Variants in BAIAP2L1 observed in about 807,000 individuals in gnomAD.
BAIAP2L1 encodes BAR/IMD domain containing adaptor protein 2 like 1.
BAIAP2L1 carries 35 observed loss-of-function variants against 66.3 expected under a neutral mutation model. The ratio of observed to expected loss-of-function variants is 0.53; its 90% confidence interval spans 0.40 to 0.70. The LOEUF is 0.70. Among genes scored for constraint, BAIAP2L1 ranks in the 30% least tolerant of loss-of-function variants. BAIAP2L1 has a pLI of 0.00. For synonymous variants in BAIAP2L1, 269 were observed against 248.7 expected (o/e 1.08, Z -0.77); for missense variants, 622 against 656.9 (o/e 0.95, Z 0.58).
At position 98,305,853 on chromosome 7, in the gene BAIAP2L1, G is replaced by A. The variant is rs148269011; in HGVS notation, c.1241+586C>T. ...CTGTTAGTATCTGATCTGGAATACG[G>A]ATTTGGGGGTTTTCGGCATGGAGGT... On this transcript the variant is annotated intron_variant, in intron 11 of 13. Coordinates refer to ENST00000005260, the MANE Select transcript of BAIAP2L1 (RefSeq NM_018842.5). 3.3e-3 allele frequency among the ~76,000 whole-genome samples: 500 copies of A among 152,318 alleles called. 3 individuals carry two copies. Among genetic ancestry groups the A allele is most frequent in the African/African-American group, 0.011 (474 of 41,570 alleles).
intron 3 of BAIAP2L1, among the ~76,000 whole-genome samples, chr7:98,341,732 T>C (rs1396149691): frequency 6.6e-6 from 1 of 152,106 alleles, no homozygotes; most frequent in Non-Finnish European, 1.5e-5. Context: ...GCTGTCATGA[T>C]GATTATAGGA....
chr7:98,332,494 G>C (rs1801520158), intron 3 of BAIAP2L1, among the ~76,000 whole-genome samples: 1 of 142,372 alleles, frequency 7.0e-6, no homozygotes, highest in Non-Finnish European at 1.5e-5. Context: ...ACTTAGTAAA[G>C]ATGTCTCCTC....
intron 3 of BAIAP2L1, among the ~76,000 whole-genome samples, chr7:98,336,993 A>T (rs1390409922): frequency 6.6e-6 from 1 of 152,202 alleles, no homozygotes; most frequent in Non-Finnish European, 1.5e-5. Flanking sequence ...AAATGGGAAT[A>T]ATCTCTCTTA....
chr7:98,396,552 T>C (rs1584512015), intron 1 of BAIAP2L1, among the ~76,000 whole-genome samples: 1 of 152,130 alleles, frequency 6.6e-6, no homozygotes, highest in Admixed American at 6.6e-5. Flanking sequence ...TGGCAGCCGG[T>C]CACTAAGAGA....
intron 1 of BAIAP2L1, among the ~76,000 whole-genome samples, chr7:98,372,733 G>GTTTTTTTTTTTTTTTTTTTTTTT (rs34330041): frequency 1.1e-5 from 1 of 93,766 alleles, no homozygotes. Context: ...ATCGATTTTG[G>GTTTTTTTTTTTTTTTTTTTTTTT]TTTTTTTTTT....
intron 3 of BAIAP2L1, among the ~76,000 whole-genome samples, chr7:98,347,809 C>T (rs776130657): frequency 1.3e-5 from 2 of 151,932 alleles, no homozygotes; most frequent in African/African-American, 4.8e-5. Flanking sequence ...AAAGAGCAGC[C>T]ATAAGAAAGG....
At chr7:98,316,194 G>T (rs545428390) in intron 6 of BAIAP2L1, among the ~76,000 whole-genome samples, 1 of 152,062 alleles carries the variant, frequency 6.6e-6, no homozygotes, top group Non-Finnish European at 1.5e-5. Flanking sequence ...CATGTAAGAC[G>T]TGACTTGCTC....
chr7:98,328,829 G>C (rs781223799), intron 3 of BAIAP2L1, among the ~76,000 whole-genome samples: 16 of 152,038 alleles, frequency 1.1e-4, no homozygotes, highest in Non-Finnish European at 1.9e-4. Flanking sequence ...ATTTTTTGGT[G>C]CACTTTACAC....
intron 12 of BAIAP2L1, among the ~76,000 whole-genome samples, chr7:98,299,135 C>T (rs1464101907): frequency 6.6e-6 from 1 of 152,178 alleles, no homozygotes; most frequent in Non-Finnish European, 1.5e-5. Context: ...CCTGCCTCAG[C>T]CTCCCGAGTA....
At chr7:98,385,045 T>C (rs930481770) in intron 1 of BAIAP2L1, among the ~76,000 whole-genome samples, 1 of 152,114 alleles carries the variant, frequency 6.6e-6, no homozygotes, top group African/African-American at 2.4e-5. Flanking sequence ...CAGTGGTTCA[T>C]GCCTATAATT....
At chr7:98,304,151 A>G in intron 12 of BAIAP2L1, 45 bp downstream of exon 12, 1 of 1,499,152 alleles carries the variant, frequency 6.7e-7, no homozygotes, top group Non-Finnish European at 8.9e-7. Context: ...CCAGTCGGGG[A>G]TGGCGAGTCC....
chr7:98,339,850 A>G (rs1053232229), intron 3 of BAIAP2L1, among the ~76,000 whole-genome samples: 1 of 152,230 alleles, frequency 6.6e-6, no homozygotes, highest in African/African-American at 2.4e-5. Flanking sequence ...GGATGTAAGT[A>G]GCGCTTGTGA....
rs1406388443 is a variant in BAIAP2L1, at chr7:98,392,777, T to A, written c.51+8025A>T. Among the ~76,000 whole-genome samples, 3 of 152,012 alleles carry A rather than the reference T, an allele frequency of 2.0e-5. No homozygotes were observed. The East Asian group carries it at 5.8e-4, about 29-fold the overall frequency. On this transcript the variant is annotated intron_variant, in intron 1 of 13. Coordinates refer to ENST00000005260, the MANE Select transcript of BAIAP2L1 (RefSeq NM_018842.5). ...TTAGTGTTATCTCTGGTTTGCAGGA[T>A]TCTGGGCACACTTATTTACACTTCT...
At position 98,401,037 on chromosome 7, in the gene BAIAP2L1, G is replaced by A; in HGVS notation, c.-185C>T. 7 of 442,964 alleles carry A rather than the reference G, an allele frequency of 1.6e-5. No homozygotes were observed. The East Asian group carries it at 2.1e-4, about 13-fold the overall frequency. The allele number at this position is 442,964 out of a possible 1,614,324, so 27.4% of individuals were successfully genotyped here. A position where few individuals can be genotyped will look rare whatever the true frequency, so the allele number is the denominator to read the frequency against. On this transcript the variant is annotated 5_prime_UTR_variant, in exon 1 of 14. Coordinates refer to ENST00000005260, the MANE Select transcript of BAIAP2L1 (RefSeq NM_018842.5). ...CGAAAATGTCAAAACTTGCGGCAGC[G>A]CCGCCCTGGCCTTCTTCGAGGAGCA...
At chr7:98,349,344 G>A (rs916839695) in intron 3 of BAIAP2L1, among the ~76,000 whole-genome samples, 10 of 152,288 alleles carry the variant, frequency 6.6e-5, no homozygotes, top group Middle Eastern at 3.4e-3. Context: ...ATGGAAGCAC[G>A]TGGCGCAAGG....
chr7:98,349,319 G>C (rs1285786447), intron 3 of BAIAP2L1, among the ~76,000 whole-genome samples: 1 of 152,204 alleles, frequency 6.6e-6, no homozygotes, highest in Non-Finnish European at 1.5e-5. Context: ...CACATCCGGA[G>C]ACCCGTGTTT....
chr7:98,386,946 G>T (rs903948356), intron 1 of BAIAP2L1, among the ~76,000 whole-genome samples: 1 of 151,952 alleles, frequency 6.6e-6, no homozygotes, highest in Non-Finnish European at 1.5e-5. Flanking sequence ...TGATCTGCCC[G>T]CCTCGGCCTC....
Position 98,292,658 on chromosome 7 carries a change from C to G in BAIAP2L1, c.*863G>C. 1 of 1,551,688 alleles carries G rather than the reference C, an allele frequency of 6.4e-7. No individual in the cohort carries two copies. The highest frequency in any genetic ancestry group is 1.7e-4 in the Middle Eastern group (1 of 5,992). ...CTCCAGGCACCAGAGGTCATCCTGG[C>G]TTTACACGTATCCTTTGAGAGTCTG... On this transcript the variant is annotated 3_prime_UTR_variant, in exon 14 of 14. Coordinates refer to ENST00000005260, the MANE Select transcript of BAIAP2L1 (RefSeq NM_018842.5).
chr7:98,298,327 T>C (rs888585215), intron 12 of BAIAP2L1, among the ~76,000 whole-genome samples: 16 of 151,944 alleles, frequency 1.1e-4, no homozygotes, highest in African/African-American at 3.6e-4. Context: ...TAAAAAACAT[T>C]AGGGGCTGGG....
Sources: gnomAD v4.1 joint callset for allele counts (sites outside exome capture counted in the v4.1 genomes callset) on GRCh38, gnomAD v4.1.1 for gene constraint, MANE v1.5 for transcripts, NCBI Gene and HGNC (gene_info 2026-07-23, HGNC 2026-07-21) for gene names.